The following ANP32B variants were observed in gnomAD, a reference collection of about 807,000 sequenced individuals.
ANP32B encodes acidic nuclear phosphoprotein 32 family member B, also known as acidic leucine-rich nuclear phosphoprotein 32 family member B.
Under a neutral mutation model 32.2 loss-of-function variants are expected in ANP32B, and 6 were observed. That is an observed-to-expected ratio of 0.19 (90% CI 0.10 to 0.37). The LOEUF (loss-of-function observed/expected upper bound fraction) is 0.37, where lower values mean the gene tolerates loss of function less well. ANP32B is among the 10% of genes least tolerant of loss of function. The pLI, the probability that ANP32B is intolerant of heterozygous loss-of-function variation, is 1.00. For synonymous variants in ANP32B, 98 were observed against 105.8 expected (o/e 0.93, Z 0.45); for missense variants, 204 against 289.2 (o/e 0.71, Z 2.14).
At chr9:98,005,469 C>T (rs998973361) in intron 4 of ANP32B, among the ~76,000 whole-genome samples, 6 of 151,948 alleles carry the variant, frequency 3.9e-5, no homozygotes, top group African/African-American at 1.5e-4. Flanking sequence ...CTACAGTGAG[C>T]CATGATTGTT....
intron 2 of ANP32B, among the ~76,000 whole-genome samples, chr9:97,997,519 A>G (rs1827925396): frequency 6.6e-6 from 1 of 152,230 alleles, no homozygotes; most frequent in African/African-American, 2.4e-5. Context: ...CCTGGCTTCA[A>G]ATCATAGGCC....
chr9:98,012,179 T>C (rs1828196689), intron 5 of ANP32B, among the ~76,000 whole-genome samples: 1 of 152,168 alleles, frequency 6.6e-6, no homozygotes, highest in African/African-American at 2.4e-5. Flanking sequence ...ATATACTAAT[T>C]AAACATCTAG....
chr9:98,002,588 C>T (rs967213584), intron 3 of ANP32B, among the ~76,000 whole-genome samples: 3 of 152,090 alleles, frequency 2.0e-5, no homozygotes, highest in Admixed American at 6.5e-5. Context: ...TCAGCAGTTC[C>T]AGAGTACTAC....
chr9:97,998,135 G>C (rs1827933843), intron 2 of ANP32B, among the ~76,000 whole-genome samples: 1 of 152,178 alleles, frequency 6.6e-6, no homozygotes, highest in Non-Finnish European at 1.5e-5. Context: ...GTATTGTCCA[G>C]AAATTAGGTT....
chr9:97,992,537 T>G (rs542809939), intron 1 of ANP32B, among the ~76,000 whole-genome samples: 3 of 152,240 alleles, frequency 2.0e-5, no homozygotes, highest in African/African-American at 7.2e-5. Context: ...TGGCTAACTC[T>G]TAATTCTTCT....
rs769329548 is a variant in ANP32B, at chr9:98,012,441, T to A, written c.657T>A (p.Asp219Glu). 3.7e-6 allele frequency: 6 copies of A among 1,611,966 alleles called. No homozygotes were observed. Among genetic ancestry groups the A allele is most frequent in the Non-Finnish European group, 5.1e-6 (6 of 1,179,042 alleles). ...VSEEEEEFGLDEEDEDEDEDE... is the reference protein window; with the variant it reads ...VSEEEEEFGLEEEDEDEDEDE... ...TTTAGGAAGAAGAATTTGGACTTGATGAAGAAGATGAAGATGAGGATGAGG... is the reference window on the plus strand; with the variant it reads ...TTTAGGAAGAAGAATTTGGACTTGAAGAAGAAGATGAAGATGAGGATGAGG... Residue 219 changes from aspartate (D) to glutamate (E), a missense_variant, in exon 6 of 7, where the codon GAT (aspartate) becomes GAA (glutamate). Physicochemically the swap from Asp to Glu is conservative, Grantham distance 45. Transcript: ENST00000339399.
At chr9:97,999,594 A>G (rs547663434) in intron 3 of ANP32B, among the ~76,000 whole-genome samples, 1 of 152,360 alleles carries the variant, frequency 6.6e-6, no homozygotes, top group South Asian at 2.1e-4. Context: ...GACCTTGGGC[A>G]AACTGCTTCT....
intron 1 of ANP32B, among the ~76,000 whole-genome samples, chr9:97,993,603 TTAAA>T (rs1221171210): frequency 1.3e-5 from 2 of 152,230 alleles, no homozygotes; most frequent in Non-Finnish European, 2.9e-5. Flanking sequence ...ATGTAGACTA[TTAAA>T]TAATCAATAT....
At chr9:98,010,279 T>G (rs1564141511) in intron 4 of ANP32B, among the ~76,000 whole-genome samples, 5 of 151,008 alleles carry the variant, frequency 3.3e-5, no homozygotes, top group African/African-American at 7.3e-5. Flanking sequence ...TTTTTTTGTT[T>G]TTTTTTTTTA....
intron 1 of ANP32B, among the ~76,000 whole-genome samples, chr9:97,993,656 G>C (rs1268111638): frequency 1.3e-5 from 2 of 152,190 alleles, no homozygotes; most frequent in Non-Finnish European, 2.9e-5. Context: ...CTGTTTTTGA[G>C]ATGGAGTCTC....
At chr9:97,997,341 GTTTT>G (rs972779323) in intron 2 of ANP32B, among the ~76,000 whole-genome samples, 6 of 152,016 alleles carry the variant, frequency 3.9e-5, no homozygotes, top group African/African-American at 1.5e-4. Flanking sequence ...CAGCTGACCT[GTTTT>G]TTTAACTGTT....
At chr9:98,001,907 A>G (rs1289155851) in intron 3 of ANP32B, among the ~76,000 whole-genome samples, 1 of 151,944 alleles carries the variant, frequency 6.6e-6, no homozygotes, top group Non-Finnish European at 1.5e-5. Flanking sequence ...CTTGTTTTAT[A>G]TTGAGGAAGC....
chr9:98,001,205 T>C (rs531307093), intron 3 of ANP32B, among the ~76,000 whole-genome samples: 1 of 151,452 alleles, frequency 6.6e-6, no homozygotes, highest in South Asian at 2.1e-4. Flanking sequence ...TTTTTTTTTT[T>C]TTTTTAGACG....
intron 3 of ANP32B, among the ~76,000 whole-genome samples, chr9:98,001,301 C>T (rs1228702870): frequency 1.3e-5 from 2 of 151,820 alleles, no homozygotes; most frequent in East Asian, 1.9e-4. Flanking sequence ...ACGCCATTCT[C>T]CTGCCTCAGC....
chr9:97,992,525 T>C (rs767659141), intron 1 of ANP32B, among the ~76,000 whole-genome samples: 3 of 152,236 alleles, frequency 2.0e-5, no homozygotes, highest in Non-Finnish European at 4.4e-5. Context: ...TGAGAGGCAG[T>C]GTGGCTAACT....
At chr9:98,014,068 G>A (rs1215044802) in intron 6 of ANP32B, among the ~76,000 whole-genome samples, 1 of 152,110 alleles carries the variant, frequency 6.6e-6, no homozygotes, top group Non-Finnish European at 1.5e-5. Flanking sequence ...GTTGGCTGAT[G>A]TTTTCTCAGC....
chr9:97,985,895 C>T lies in ANP32B; in HGVS notation c.54+2286C>T, dbSNP rs574849289. On this transcript the variant is annotated intron_variant, in intron 1 of 6. Coordinates refer to ENST00000339399, the MANE Select transcript of ANP32B (RefSeq NM_006401.3). ...GGAGTGCAATGGCACTATCTCGGCT[C>T]ACCTCAGCCTCCGCTTACCGGGTTC... Among the ~76,000 whole-genome samples, 3 of 152,272 alleles carry T rather than the reference C, an allele frequency of 2.0e-5. No homozygotes were observed. In the East Asian group the frequency reaches 5.8e-4, roughly 29 times the overall value.
At chr9:97,988,380 C>T (rs1313790547) in intron 1 of ANP32B, among the ~76,000 whole-genome samples, 2 of 152,042 alleles carry the variant, frequency 1.3e-5, no homozygotes, top group Non-Finnish European at 2.9e-5. Flanking sequence ...GTGTTTCCTT[C>T]CTTAATGCCA....
intron 2 of ANP32B, among the ~76,000 whole-genome samples, chr9:97,998,348 T>C (rs1330174073): frequency 1.3e-5 from 2 of 152,264 alleles, no homozygotes; most frequent in East Asian, 3.8e-4. Context: ...TATTAGCAGC[T>C]GATTAGGAAA....
Sources: allele counts gnomAD v4.1 joint callset (sites outside exome capture counted in the v4.1 genomes callset), GRCh38; gene constraint gnomAD v4.1.1; transcripts MANE v1.5; gene names NCBI Gene and HGNC (gene_info 2026-07-23, HGNC 2026-07-21).